The following OLFM1 variants were observed in gnomAD, a reference collection of about 807,000 sequenced individuals.
The protein encoded by OLFM1 is olfactomedin 1.
OLFM1 carries 9 observed loss-of-function variants against 49.7 expected under a neutral mutation model. That is an observed-to-expected ratio of 0.18 (90% CI 0.11 to 0.32). The LOEUF is 0.32. Ranked by LOEUF, OLFM1 falls within the 10% of genes least tolerant of loss-of-function variation. The pLI is 1.00. For synonymous variants in OLFM1, 240 were observed against 271.8 expected (o/e 0.88, Z 1.15); for missense variants, 369 against 661.8 (o/e 0.56, Z 4.85).
intron 1 of OLFM1, among the ~76,000 whole-genome samples, chr9:135,078,336 C>T (rs1020273485): frequency 7.9e-5 from 12 of 152,180 alleles, no homozygotes; most frequent in East Asian, 1.9e-4. Context: ...AATGAGCATA[C>T]GTCGACATAA....
intron 2 of OLFM1, among the ~76,000 whole-genome samples, chr9:135,091,632 T>TAGTCACACTCACATAGTCACACACAC (rs1564270647): frequency 3.5e-4 from 4 of 11,456 alleles, no homozygotes; most frequent in Non-Finnish European, 5.3e-4. Context: ...CACACTCACA[T>TAGTCACACTCACATAGTCACACACAC]AGTCACACAC....
At chr9:135,111,888 G>GT (rs2119137116) in intron 5 of OLFM1, among the ~76,000 whole-genome samples, 2 of 152,008 alleles carry the variant, frequency 1.3e-5, no homozygotes, top group South Asian at 4.2e-4. Flanking sequence ...TTTTTTCTGT[G>GT]TGTTTTTTAG....
intron 5 of OLFM1, 102 bp downstream of exon 5, chr9:135,106,957 C>T: frequency 2.1e-6 from 2 of 936,882 alleles, no homozygotes; most frequent in South Asian, 1.6e-5. Flanking sequence ...CCCTCCAGGG[C>T]CTATGGACTG....
intron 2 of OLFM1, among the ~76,000 whole-genome samples, chr9:135,092,269 G>A (rs1830726853): frequency 6.6e-6 from 1 of 152,166 alleles, no homozygotes; most frequent in African/African-American, 2.4e-5. Flanking sequence ...GCTCTGACGG[G>A]CCTTGAAAGG....
chr9:135,096,085 C>G (rs1476773697), intron 3 of OLFM1, 66 bp downstream of exon 3: 4 of 1,461,412 alleles, frequency 2.7e-6, no homozygotes, highest in Non-Finnish European at 3.7e-6. Flanking sequence ...CCTCCTTCCC[C>G]TCCCTCCTCT....
intron 1 of OLFM1, chr9:135,076,383 C>G: frequency 1.3e-6 from 2 of 1,512,674 alleles, no homozygotes; most frequent in Non-Finnish European, 1.8e-6. Flanking sequence ...GGCCACATGC[C>G]CGGCAGGAGG....
At chr9:135,114,821 AG>A (rs1245240675) in intron 5 of OLFM1, among the ~76,000 whole-genome samples, 1 of 152,176 alleles carries the variant, frequency 6.6e-6, no homozygotes, top group Non-Finnish European at 1.5e-5. Context: ...AGAGCTGCAG[AG>A]GCCAGGAGGG....
intron 5 of OLFM1, among the ~76,000 whole-genome samples, chr9:135,108,716 C>T (rs1040410091): frequency 6.6e-6 from 1 of 152,194 alleles, no homozygotes; most frequent in Admixed American, 6.5e-5. Flanking sequence ...CATTAACTCC[C>T]TTAATAGCGG....
Position 135,081,966 on chromosome 9 carries a change from C to T in OLFM1, c.96+6164C>T, listed in dbSNP as rs145824503. Among the ~76,000 whole-genome samples, 541 of 152,304 alleles carry T rather than the reference C, an allele frequency of 3.6e-3. 5 individuals carry two copies. The highest frequency in any genetic ancestry group is 0.012 in the African/African-American group (503 of 41,548). ...AGAATCCGCTGCGTTCGAACTGACCCGTCCTCGTGTGTGGCTGCTCACCTG... is the reference window on the plus strand; with the variant it reads ...AGAATCCGCTGCGTTCGAACTGACCTGTCCTCGTGTGTGGCTGCTCACCTG... On this transcript the variant is annotated intron_variant, in intron 1 of 5. Coordinates refer to the OLFM1 transcript ENST00000252854.
At position 135,080,099 on chromosome 9, in the gene OLFM1, T is replaced by C. The variant is rs1830513842; in HGVS notation, c.96+4297T>C. 6.8e-6 allele frequency among the ~76,000 whole-genome samples: 1 copy of C among 147,062 alleles called. No individual in the cohort carries two copies. Among genetic ancestry groups the C allele is most frequent in the Non-Finnish European group, 1.5e-5 (1 of 66,874 alleles). On this transcript the variant is annotated intron_variant, in intron 1 of 5. Transcript: ENST00000252854. This position sits in a 1 kb window ranked among gnomAD's most constrained non-coding sequence, Gnocchi z 4.5. The stretch of plus-strand genomic sequence containing the variant: ...AGTGAGGCCCATCCCTCTGAATCTG[T>C]TCCTCATCCCCCCATTTAGCTCATT...
intron 1 of OLFM1, among the ~76,000 whole-genome samples, chr9:135,078,025 G>A (rs1400384871): frequency 6.6e-6 from 1 of 152,198 alleles, no homozygotes; most frequent in Non-Finnish European, 1.5e-5. Context: ...TGGCATCTGG[G>A]GTCGGGAATG....
At chr9:135,104,970 A>G (rs987421301) in intron 4 of OLFM1, among the ~76,000 whole-genome samples, 6 of 152,078 alleles carry the variant, frequency 3.9e-5, no homozygotes, top group African/African-American at 1.4e-4. Context: ...TCTCGTCCCC[A>G]TAGACGCCGG....
At chr9:135,075,737 A>T in exon 1 of OLFM1, 1 of 1,604,800 alleles carries the variant, frequency 6.2e-7, no homozygotes, top group Non-Finnish European at 8.5e-7. Flanking sequence ...GCAGCGAGAC[A>T]TGCACCCGGC....
Position 135,121,092 on chromosome 9 carries a change from T to C in OLFM1, c.*914T>C, listed in dbSNP as rs1831181093. On this transcript the variant is annotated 3_prime_UTR_variant, in exon 6 of 6. Coordinates refer to ENST00000371793, the MANE Select transcript of OLFM1 (RefSeq NM_001282611.2). The stretch of plus-strand genomic sequence containing the variant: ...GACAGGAAAGTCATACGGGCAACAG[T>C]ATGCGGAAAGTACGTTTTTTAAGTA... 1 of 152,272 alleles carries C rather than the reference T, an allele frequency of 6.6e-6. No homozygotes were observed. The highest frequency in any genetic ancestry group is 1.5e-5 in the Non-Finnish European group (1 of 68,030). 9.4% of individuals were successfully genotyped at this position (152,272 alleles called of 1,614,324 possible). A position where few individuals can be genotyped will look rare whatever the true frequency, so the allele number is the denominator to read the frequency against.
In OLFM1 at chr9:135,113,707, G is replaced by T. The variant is rs1388655503; in HGVS notation, c.784-5797G>T. Among the ~76,000 whole-genome samples, 1 of 152,216 alleles carries T rather than the reference G, an allele frequency of 6.6e-6. No individual in the cohort carries two copies. Among genetic ancestry groups the T allele is most frequent in the Non-Finnish European group, 1.5e-5 (1 of 68,036 alleles). On this transcript the variant is annotated intron_variant, in intron 5 of 5. Transcript: ENST00000371793. This position sits in a 1 kb window ranked among gnomAD's most constrained non-coding sequence, Gnocchi z 4.0. ...CACGGTGTGCCCTGAGCTGAGTGGG[G>T]GTGCTGGGTCACAGTGAGGCGGCAA... is the stretch of plus-strand genomic sequence containing the variant.
At position 135,091,714 on chromosome 9, in the gene OLFM1, T is replaced by TAGTCACACACAGTCACACTCACAC. The variant is rs1564270936; in HGVS notation, c.300+1380_300+1381insAGTCACACTCACACAGTCACACAC. On this transcript the variant is annotated intron_variant, in intron 2 of 5. Coordinates refer to ENST00000371793, the MANE Select transcript of OLFM1 (RefSeq NM_001282611.2). ...ACACACACACAGTCACACTCACACA[T>TAGTCACACACAGTCACACTCACAC]AGTCACACACTCATAGTCACACACA... Among the ~76,000 whole-genome samples the TAGTCACACACAGTCACACTCACAC allele has an allele frequency of 9.2e-4, 22 of 23,828 alleles. 1 individual carries two copies. The highest frequency in any genetic ancestry group is 2.6e-3 in the African/African-American group (20 of 7,694). The allele number at this position is 23,828 out of a possible 152,430, so 15.6% of individuals were successfully genotyped here.
At chr9:135,097,802 T>C (rs1830820711) in intron 3 of OLFM1, 1 of 1,613,642 alleles carries the variant, frequency 6.2e-7, no homozygotes. Flanking sequence ...AAGAGTTTTT[T>C]CAATGCTGCA....
intron 5 of OLFM1, among the ~76,000 whole-genome samples, chr9:135,107,983 G>GGA (rs1830969054): frequency 6.6e-6 from 1 of 152,188 alleles, no homozygotes; most frequent in Non-Finnish European, 1.5e-5. Flanking sequence ...AGATGGCTGG[G>GGA]GAGGGGAGGG....
intron 4 of OLFM1, among the ~76,000 whole-genome samples, chr9:135,104,728 A>G (rs1377940784): frequency 6.6e-6 from 1 of 152,132 alleles, no homozygotes; most frequent in East Asian, 1.9e-4. Flanking sequence ...CACCCAGTGC[A>G]GAGGGAGCTG....
Sources: allele counts gnomAD v4.1 joint callset (sites outside exome capture counted in the v4.1 genomes callset), GRCh38; gene constraint gnomAD v4.1.1; non-coding constraint Gnocchi (gnomAD v3.1); transcripts MANE v1.5; gene names NCBI Gene and HGNC (gene_info 2026-07-23, HGNC 2026-07-21).